Variants in TAF8 observed in about 807,000 individuals in gnomAD.
TAF8 encodes the protein TATA-box binding protein associated factor 8, also known as transcription initiation factor TFIID subunit 8.
TAF8 carries 47 observed loss-of-function variants against 36.5 expected under a neutral mutation model. That is an observed-to-expected ratio of 1.29 (90% confidence interval 1.02 to 1.64). The LOEUF (loss-of-function observed/expected upper bound fraction) is 1.64, where lower values mean the gene tolerates loss of function less well. Among genes scored for constraint, TAF8 ranks in the 40% most tolerant of loss-of-function variants. TAF8 has a pLI of 0.00. For synonymous variants in TAF8, 175 were observed against 159.5 expected (o/e 1.10, Z -0.73); for missense variants, 420 against 407.6 (o/e 1.03, Z -0.26).
chr6:42,077,380 C>A, intron 8 of TAF8, 141 bp downstream of exon 8: 1 of 1,509,822 alleles, frequency 6.6e-7, no homozygotes, highest in Non-Finnish European at 8.9e-7. Context: ...CTTTTCCTGT[C>A]CTTACTTGGC....
intron 7 of TAF8, chr6:42,071,306 A>G (rs1765558076): frequency 5.1e-6 from 1 of 197,374 alleles, no homozygotes; most frequent in South Asian, 5.3e-5. Flanking sequence ...ATTTGCCTGG[A>G]CATACTTTTT....
Position 42,078,341 on chromosome 6 carries a change from G to A in TAF8, c.*796G>A, listed in dbSNP as rs3800288. Reference sequence around the variant, plus strand: ...CTCTTTGCTGCTGTGCTTATTACAAGGAAGACTGTTTGTCCAGCGTGTATT... The same window carrying A: ...CTCTTTGCTGCTGTGCTTATTACAAAGAAGACTGTTTGTCCAGCGTGTATT... On this transcript the variant is annotated 3_prime_UTR_variant, in exon 9 of 9. Coordinates refer to ENST00000372977, the MANE Select transcript of TAF8 (RefSeq NM_138572.3). 704,781 of 984,408 alleles carry A rather than the reference G, an allele frequency of 0.72. 252,624 individuals carry two copies. Among genetic ancestry groups the A allele is most frequent in the East Asian group, 0.9 (7,970 of 8,810 alleles). 61.0% of individuals were successfully genotyped at this position (984,408 alleles called of 1,614,324 possible). A position where few individuals can be genotyped will look rare whatever the true frequency, so the allele number is the denominator to read the frequency against.
intron 5 of TAF8, 113 bp from the exon 6 acceptor site, chr6:42,066,199 C>T: frequency 7.4e-7 from 1 of 1,346,898 alleles, no homozygotes; most frequent in Non-Finnish European, 1.0e-6. Context: ...CTGTGCCTGG[C>T]CTGGTATTGG....
At chr6:42,083,530 T>C (rs148256006), downstream of TAF8, among the ~76,000 whole-genome samples, 455 of 152,318 alleles carry the variant, frequency 3.0e-3, 3 homozygotes, top group African/African-American at 0.01. Flanking sequence ...TTTGCTACTC[T>C]GATAGATAGA....
Position 42,080,989 on chromosome 6 carries a change from C to T in TAF8, c.*3444C>T. The T allele has an allele frequency of 2.0e-6, 2 of 984,562 alleles. No individual in the cohort carries two copies. The highest frequency in any genetic ancestry group is 2.4e-6 in the Non-Finnish European group (2 of 829,218). 61.0% of individuals were successfully genotyped at this position (984,562 alleles called of 1,614,324 possible). The stretch of plus-strand genomic sequence containing the variant: ...AAGTCAGGCTTAGCCCTTGTGTTGG[C>T]CTAAGCACACCTGGGAACTTAGTAA... On this transcript the variant is annotated 3_prime_UTR_variant, in exon 9 of 9. Coordinates refer to ENST00000372977, the MANE Select transcript of TAF8 (RefSeq NM_138572.3).
In TAF8 at chr6:42,080,539, ATT is replaced by A; in HGVS notation, c.*3001_*3002del. The A allele has an allele frequency of 2.1e-6, 1 of 486,628 alleles. No homozygotes were observed. The highest frequency in any genetic ancestry group is 2.7e-6 in the Non-Finnish European group (1 of 374,754). The allele number at this position is 486,628 out of a possible 1,614,324, so 30.1% of individuals were successfully genotyped here. A position where few individuals can be genotyped will look rare whatever the true frequency, so the allele number is the denominator to read the frequency against. ...AGGCACCTACCACAATTCTCGGCTA[ATT>A]TTTTTTGTATTTTTGGTAGAGACGG... On this transcript the variant is annotated 3_prime_UTR_variant, in exon 9 of 9. Transcript: ENST00000372977.
chr6:42,067,045 G>A (rs143097516), intron 6 of TAF8, among the ~76,000 whole-genome samples: 4 of 152,232 alleles, frequency 2.6e-5, no homozygotes, highest in African/African-American at 7.2e-5. Context: ...AAATCCTCTT[G>A]TGAGCCTCTG....
In TAF8 at chr6:42,079,622, G is replaced by A. The variant is rs1280662560; in HGVS notation, c.*2077G>A. 1.0e-6 allele frequency: 1 copy of A among 956,094 alleles called. No individual in the cohort carries two copies. The highest frequency in any genetic ancestry group is 4.8e-5 in the South Asian group (1 of 20,642). The allele number at this position is 956,094 out of a possible 1,614,324, so 59.2% of individuals were successfully genotyped here. A position where few individuals can be genotyped will look rare whatever the true frequency, so the allele number is the denominator to read the frequency against. Reference sequence around the variant, plus strand: ...GTGTCGCCCCAGCTGGAGTATAGTGGCACTACCTCGGCTCACTGCAACCTC... The same window carrying A: ...GTGTCGCCCCAGCTGGAGTATAGTGACACTACCTCGGCTCACTGCAACCTC... On this transcript the variant is annotated 3_prime_UTR_variant, in exon 9 of 9. Coordinates refer to ENST00000372977, the MANE Select transcript of TAF8 (RefSeq NM_138572.3).
At chr6:42,063,826 T>A (rs889862958) in intron 5 of TAF8, 14 of 151,290 alleles carry the variant, frequency 9.3e-5, no homozygotes, top group African/African-American at 3.4e-4. Context: ...GGTGTAATCA[T>A]GGCACTACAG....
In TAF8 at chr6:42,077,585, C is replaced by T. The variant is rs1164311314; in HGVS notation, c.*40C>T. The stretch of plus-strand genomic sequence containing the variant: ...CTGGCTTGTACAGGGGCGCAGATTC[C>T]ACCCTCCCGGGGAGTTAAAGCCACT... On this transcript the variant is annotated 3_prime_UTR_variant, in exon 9 of 9. Transcript: ENST00000372977. The T allele has an allele frequency of 6.2e-7, 1 of 1,609,816 alleles. No individual in the cohort carries two copies. Among genetic ancestry groups the T allele is most frequent in the South Asian group, 1.1e-5 (1 of 89,992 alleles).
chr6:42,078,125 A>C lies in TAF8; in HGVS notation c.*580A>C. On this transcript the variant is annotated 3_prime_UTR_variant, in exon 9 of 9. Transcript: ENST00000372977. Reference sequence around the variant, plus strand: ...AGGCTGGTCTTGAACTCCTGACCTCAAGTGATAACCCGCCTCGGCCTCCCA... The same window carrying C: ...AGGCTGGTCTTGAACTCCTGACCTCCAGTGATAACCCGCCTCGGCCTCCCA... The C allele has an allele frequency of 3.8e-6, 3 of 781,088 alleles. No homozygotes were observed. Among genetic ancestry groups the C allele is most frequent in the Non-Finnish European group, 4.7e-6 (3 of 643,210 alleles). 48.4% of individuals were successfully genotyped at this position (781,088 alleles called of 1,614,324 possible). A position where few individuals can be genotyped will look rare whatever the true frequency, so the allele number is the denominator to read the frequency against.
chr6:42,068,744 C>A, intron 7 of TAF8, 137 bp downstream of exon 7: 1 of 1,000,242 alleles, frequency 1.0e-6, no homozygotes, highest in Non-Finnish European at 1.5e-6. Context: ...TAAGGGCTTG[C>A]GTGATGATCC....
At chr6:42,063,585 G>A (rs1298205673) in intron 5 of TAF8, 3 of 151,968 alleles carry the variant, frequency 2.0e-5, no homozygotes, top group Non-Finnish European at 4.4e-5. Flanking sequence ...GAAATCATAG[G>A]GTTTTTGTTT....
intron 5 of TAF8, among the ~76,000 whole-genome samples, chr6:42,059,817 C>CA (rs756108034): frequency 3.3e-5 from 5 of 152,198 alleles, no homozygotes; most frequent in Non-Finnish European, 7.3e-5. Context: ...TTCACCGTCT[C>CA]AGTCATAATT....
chr6:42,086,799 A>G, downstream of TAF8: 1 of 1,518,210 alleles, frequency 6.6e-7, no homozygotes. Context: ...CCAGGAGAGC[A>G]GCCACAAAGG....
At chr6:42,059,028 A>C (rs1446323557) in intron 5 of TAF8, among the ~76,000 whole-genome samples, 1 of 152,002 alleles carries the variant, frequency 6.6e-6, no homozygotes, top group African/African-American at 2.4e-5. Flanking sequence ...GTTTTTAAGG[A>C]TAATGTGGTA....
chr6:42,077,822 C>A lies in TAF8; in HGVS notation c.*277C>A. 1 of 1,115,558 alleles carries A rather than the reference C, an allele frequency of 9.0e-7. No individual in the cohort carries two copies. The highest frequency in any genetic ancestry group is 1.2e-6 in the Non-Finnish European group (1 of 858,370). 69.1% of individuals were successfully genotyped at this position (1,115,558 alleles called of 1,614,324 possible). A position where few individuals can be genotyped will look rare whatever the true frequency, so the allele number is the denominator to read the frequency against. ...CCAGGCTGGAATGCAGTGGTGTGAT[C>A]TCAGCTCACTGCAGTCTCAGCAACC... On this transcript the variant is annotated 3_prime_UTR_variant, in exon 9 of 9. Coordinates refer to ENST00000372977, the MANE Select transcript of TAF8 (RefSeq NM_138572.3).
In TAF8 at chr6:42,078,157, T is replaced by G; in HGVS notation, c.*612T>G. ...AACCCGCCTCGGCCTCCCAAAGTGC[T>G]GAGATTACAGGCGTGAGCCACCGCA... On this transcript the variant is annotated 3_prime_UTR_variant, in exon 9 of 9. Coordinates refer to ENST00000372977, the MANE Select transcript of TAF8 (RefSeq NM_138572.3). 5.1e-5 allele frequency: 49 copies of G among 970,274 alleles called. No homozygotes were observed. The highest frequency in any genetic ancestry group is 9.5e-5 in the South Asian group (2 of 21,062). The allele number at this position is 970,274 out of a possible 1,614,324, so 60.1% of individuals were successfully genotyped here. A position where few individuals can be genotyped will look rare whatever the true frequency, so the allele number is the denominator to read the frequency against.
chr6:42,056,133 A>G lies in TAF8; in HGVS notation c.364+119A>G, dbSNP rs1234940286. 5.7e-6 allele frequency: 4 copies of G among 703,944 alleles called. No homozygotes were observed. The East Asian group carries it at 8.1e-5, about 14-fold the overall frequency. 43.6% of individuals were successfully genotyped at this position (703,944 alleles called of 1,614,324 possible). A position where few individuals can be genotyped will look rare whatever the true frequency, so the allele number is the denominator to read the frequency against. The stretch of plus-strand genomic sequence containing the variant: ...CTTCCTTGTTGTGGGCTCTCTTCCA[A>G]TGTTTGGGGCTACCTACAATATAAT... On this transcript the variant is annotated intron_variant, in intron 4 of 8. Transcript: ENST00000372977.
Sources: allele counts gnomAD v4.1 joint callset (sites outside exome capture counted in the v4.1 genomes callset), GRCh38; gene constraint gnomAD v4.1.1; transcripts MANE v1.5; gene names NCBI Gene and HGNC (gene_info 2026-07-23, HGNC 2026-07-21).